INCA1: variants seen among roughly 807,000 people sequenced by gnomAD.
INCA1 encodes inhibitor of CDK, cyclin A1 interacting protein 1.
Under a neutral mutation model 25.7 loss-of-function variants are expected in INCA1, and 28 were observed. The ratio of observed to expected loss-of-function variants is 1.09; its 90% CI spans 0.81 to 1.49. The LOEUF (loss-of-function observed/expected upper bound fraction) is 1.49. Among genes scored for constraint, INCA1 ranks in the 40% most tolerant of loss-of-function variants. The probability of loss-of-function intolerance (pLI) is 0.00; values close to 1 mark genes in which losing one functional copy is unlikely to be tolerated. For missense variants in INCA1, 309 were observed against 290.9 expected, an observed-to-expected ratio of 1.06 and a Z score of -0.45; for synonymous variants, 111 against 103.6, an observed-to-expected ratio of 1.07 and a Z score of -0.43.
At chr17:4,990,943 C>G (rs141007394) in intron 2 of INCA1, among the ~76,000 whole-genome samples, 1 of 150,382 alleles carries the variant, frequency 6.6e-6, no homozygotes, top group Non-Finnish European at 1.5e-5. Context: ...TTATTGAGAC[C>G]GTTTCACTCT....
Position 4,988,564 on chromosome 17 carries a change from T to C in INCA1, c.562-10A>G, listed in dbSNP as rs563391053. 6 of 1,607,112 alleles carry C rather than the reference T, an allele frequency of 3.7e-6. No homozygotes were observed. The African/African-American group carries it at 6.7e-5, about 18-fold the overall frequency. On this transcript the variant is annotated splice_polypyrimidine_tract_variant and intron_variant, in intron 6 of 6. Coordinates refer to ENST00000576820, the Ensembl canonical transcript of INCA1. ...AGGGAGACCAAAGCAGCTGTCAAGATGAGAGAAATTGAAAAAGAAAATGGA... is the reference window on the plus strand; with the variant it reads ...AGGGAGACCAAAGCAGCTGTCAAGACGAGAGAAATTGAAAAAGAAAATGGA...
exon 2 of INCA1, chr17:4,994,442 G>A: frequency 6.2e-7 from 1 of 1,613,430 alleles, no homozygotes; most frequent in East Asian, 2.2e-5. Flanking sequence ...CTGCATGACT[G>A]GACGGGGCTG....
At chr17:4,988,938 C>G in exon 6 of INCA1, 1 of 1,613,660 alleles carries the variant, frequency 6.2e-7, no homozygotes, top group Admixed American at 1.7e-5. Context: ...ACTGGGCCTT[C>G]TTCAGTCTGT....
chr17:4,994,789 C>CAAA (rs34186821), intron 1 of INCA1, among the ~76,000 whole-genome samples: 10 of 70,804 alleles, frequency 1.4e-4, no homozygotes, highest in African/African-American at 2.9e-4. Context: ...GACTCTGTCT[C>CAAA]AAAAAAAAAA....
At chr17:4,989,989 C>G (rs1973742045) in intron 3 of INCA1, 60 bp from the exon 4 acceptor site, 8 of 1,612,412 alleles carry the variant, frequency 5.0e-6, no homozygotes, top group Non-Finnish European at 6.8e-6. Flanking sequence ...CATATTGCTT[C>G]TTTAATAATC....
chr17:4,990,357 T>C, intron 2 of INCA1, 92 bp from the exon 3 acceptor site: 2 of 1,426,050 alleles, frequency 1.4e-6, no homozygotes, highest in Non-Finnish European at 9.4e-7. Context: ...TCCATGGGAC[T>C]ATAAAGCTGC....
At chr17:4,989,265 ATC>A (rs1286528248) in intron 5 of INCA1, among the ~76,000 whole-genome samples, 161 bp downstream of exon 5, 1 of 152,056 alleles carries the variant, frequency 6.6e-6, no homozygotes, top group Admixed American at 6.6e-5. Context: ...TATTACAGAA[ATC>A]TGTTTCAATC....
chr17:4,996,160 G>C (rs1054264314), intron 1 of INCA1, among the ~76,000 whole-genome samples: 11 of 152,130 alleles, frequency 7.2e-5, no homozygotes, highest in African/African-American at 2.7e-4. Context: ...GGAAGTGGGT[G>C]GATTGCTCGA....
Position 4,988,918 on chromosome 17 carries a change from G to T in INCA1, c.422C>A (p.Ser141Tyr), listed in dbSNP as rs1365508028. ...CACCACTGGCTCAGATGCAGCCCCA[G>T]AGCTGCCCCACTGGGCCTTCTTCAG... is the stretch of plus-strand genomic sequence containing the variant. The change falls in exon 6 of 7, where the codon TCT becomes TAT. Residue 141 changes from serine to tyrosine, a missense_variant. Physicochemically the swap from Ser to Tyr is moderately radical, Grantham distance 144. Transcript: ENST00000576820. 8 of 1,614,114 alleles carry T rather than the reference G, an allele frequency of 5.0e-6. No homozygotes were observed. In the East Asian group the frequency reaches 1.8e-4, roughly 36 times the overall value.
intron 1 of INCA1, among the ~76,000 whole-genome samples, chr17:4,996,388 GA>G (rs879765607): frequency 2.7e-3 from 355 of 132,816 alleles, no homozygotes; most frequent in African/African-American, 6.2e-3. Context: ...TTTCTAAGAA[GA>G]AAAAAAAAAA....
chr17:4,989,946 G>T lies in INCA1; in HGVS notation c.159-17C>A. The T allele has an allele frequency of 2.5e-6, 4 of 1,614,154 alleles. No individual in the cohort carries two copies. The highest frequency in any genetic ancestry group is 3.4e-6 in the Non-Finnish European group (4 of 1,180,016). On this transcript the variant is annotated splice_polypyrimidine_tract_variant and intron_variant, in intron 3 of 6. Coordinates refer to ENST00000576820, the Ensembl canonical transcript of INCA1. ...CAAGTGGGGCTGTGAAGAACAAAAA[G>T]GGGGCTATAAGTGCAGAGGGGACAT...
intron 5 of INCA1, 43 bp downstream of exon 5, chr17:4,989,385 A>C (rs953415675): frequency 6.4e-7 from 1 of 1,572,448 alleles, no homozygotes; most frequent in African/African-American, 1.4e-5. Context: ...TCTGCCCCCA[A>C]ATCCTGCATG....
intron 2 of INCA1, among the ~76,000 whole-genome samples, chr17:4,991,334 G>A (rs1973861496): frequency 6.6e-6 from 1 of 152,170 alleles, no homozygotes; most frequent in Admixed American, 6.5e-5. Flanking sequence ...GTAATATTTA[G>A]CAAGCAGAGT....
intron 2 of INCA1, among the ~76,000 whole-genome samples, chr17:4,992,592 TTTTA>T (rs937611662): frequency 2.2e-4 from 33 of 150,878 alleles, no homozygotes; most frequent in Non-Finnish European, 4.7e-4. Context: ...CCTATACTTG[TTTTA>T]TTTATTTTTT....
At chr17:4,988,198 C>T (rs1193989996), downstream of INCA1, 1 of 486,666 alleles carries the variant, frequency 2.1e-6, no homozygotes, top group African/African-American at 2.0e-5. Flanking sequence ...TGGAGGAAAA[C>T]AGGACTTGGG....
chr17:4,994,349 C>T, intron 2 of INCA1, 45 bp downstream of exon 2: 2 of 1,576,316 alleles, frequency 1.3e-6, no homozygotes, highest in Non-Finnish European at 1.7e-6. Flanking sequence ...ATGCAATATC[C>T]CCTCCATCCC....
At chr17:4,990,012 C>G in intron 3 of INCA1, 83 bp from the exon 4 acceptor site, 1 of 1,611,942 alleles carries the variant, frequency 6.2e-7, no homozygotes, top group Non-Finnish European at 8.5e-7. Flanking sequence ...TCCCGACCTC[C>G]TTTCTGTCAT....
intron 4 of INCA1, 74 bp downstream of exon 4, chr17:4,989,813 TAAG>T (rs1973719749): frequency 1.6e-5 from 26 of 1,604,494 alleles, no homozygotes; most frequent in Middle Eastern, 1.7e-4. Flanking sequence ...GAAGCGGTAA[TAAG>T]GAGAGCTTGG....
chr17:4,988,992 C>T, intron 5 of INCA1, 48 bp from the exon 6 acceptor site: 1 of 1,550,094 alleles, frequency 6.5e-7, no homozygotes, highest in East Asian at 2.3e-5. Context: ...GGCCAGGCTT[C>T]CTGTCTCTCC....
Sources: gnomAD v4.1 joint callset for allele counts (sites outside exome capture counted in the v4.1 genomes callset) on GRCh38, gnomAD v4.1.1 for gene constraint, MANE v1.5 for transcripts, NCBI Gene and HGNC (gene_info 2026-07-23, HGNC 2026-07-21) for gene names.